Variants in VCL observed in about 807,000 individuals in gnomAD.
VCL encodes the protein vinculin.
A neutral mutation model predicts 125.7 loss-of-function variants in VCL; 47 were observed. The observed-to-expected ratio is 0.37, with a 90% confidence interval of 0.30 to 0.48. VCL has a LOEUF of 0.48. VCL is among the 20% of genes least tolerant of loss of function. The pLI is 0.99. For missense variants in VCL, 1,069 were observed against 1,455.5 expected, an observed-to-expected ratio of 0.73 and a Z score of 4.32; for synonymous variants, 458 against 514.6, an observed-to-expected ratio of 0.89 and a Z score of 1.49.
At chr10:73,998,861 T>C (rs975254824) in intron 1 of VCL, among the ~76,000 whole-genome samples, 1 of 152,200 alleles carries the variant, frequency 6.6e-6, no homozygotes, top group Admixed American at 6.5e-5. Context: ...GGGATCCTTA[T>C]TTGAGCCACG....
In VCL at chr10:74,018,185, T is replaced by TATAA. The variant is rs939767573; in HGVS notation, c.168+19813_168+19814insAATA. ...TGTGAGGATATATATAGGATATATA[T>TATAA]ATATATATATATATATAAATACATA... is the stretch of plus-strand genomic sequence containing the variant. On this transcript the variant is annotated intron_variant, in intron 1 of 21. Transcript: ENST00000211998. Among the ~76,000 whole-genome samples, 35 of 134,662 alleles carry TATAA rather than the reference T, an allele frequency of 2.6e-4. 2 individuals carry two copies. The highest frequency in any genetic ancestry group is 9.0e-4 in the African/African-American group (32 of 35,738). The allele number at this position is 134,662 out of a possible 152,430, so 88.3% of individuals were successfully genotyped here.
intron 15 of VCL, among the ~76,000 whole-genome samples, chr10:74,104,378 T>A (rs1036058475): frequency 8.5e-5 from 13 of 152,150 alleles, no homozygotes; most frequent in African/African-American, 3.1e-4. Context: ...ACTACGTAGT[T>A]TTTTTAAAAA....
rs968372588 is a variant in VCL at position 74,095,922 on chromosome 10, A to C, written c.1743+67A>C. 5.7e-6 allele frequency: 9 copies of C among 1,570,440 alleles called. No homozygotes were observed. The African/African-American group carries it at 9.4e-5, about 16-fold the overall frequency. ...CTATTATTGAAAGACGAGGGAAGGA[A>C]GAGAGAGTTTTGAAAAATACATAAT... is the stretch of plus-strand genomic sequence containing the variant. On this transcript the variant is annotated intron_variant, in intron 12 of 21. Coordinates refer to ENST00000211998, the MANE Select transcript of VCL (RefSeq NM_014000.3).
intron 6 of VCL, 69 bp from the exon 7 acceptor site, chr10:74,082,382 TCTC>T: frequency 6.4e-7 from 1 of 1,551,328 alleles, no homozygotes; most frequent in Non-Finnish European, 8.9e-7. Flanking sequence ...TGTAACTTCT[TCTC>T]TGTCTTACGT....
At chr10:74,098,640 GC>G (rs1840006546) in intron 13 of VCL, among the ~76,000 whole-genome samples, 1 of 152,212 alleles carries the variant, frequency 6.6e-6, no homozygotes, top group South Asian at 2.1e-4. Flanking sequence ...TGGTTTTCCA[GC>G]CTTTATAGTA....
At chr10:74,087,382 G>A (rs1437600522) in intron 8 of VCL, among the ~76,000 whole-genome samples, 1 of 123,878 alleles carries the variant, frequency 8.1e-6, no homozygotes, top group African/African-American at 3.1e-5. Flanking sequence ...GTCTCGCTCT[G>A]TCGCCCAGGC....
intron 2 of VCL, 101 bp downstream of exon 2, chr10:74,043,254 T>C (rs1473252324): frequency 1.8e-6 from 2 of 1,090,216 alleles, no homozygotes; most frequent in East Asian, 2.4e-5. Flanking sequence ...GGTATAAAAC[T>C]TTTGTTTACA....
Position 74,094,363 on chromosome 10 carries a change from C to A in VCL, c.1445C>A (p.Ala482Asp), listed in dbSNP as rs531596507. The change falls in exon 11 of 22, where the codon GCC (alanine) becomes GAC (aspartate). Residue 482 changes from alanine to aspartate, a missense_variant. By Grantham distance (126) the Ala-to-Asp change is moderately radical. This residue lies in a region of VCL where 760 missense variants were observed against 928.9 expected (regional missense o/e 0.82). Transcript: ENST00000211998. Reference protein sequence around the residue: ...NLQTKTNRAVANSRPAKAAVH... With the variant: ...NLQTKTNRAVDNSRPAKAAVH... The stretch of plus-strand genomic sequence containing the variant: ...CAGACCAAAACCAACCGGGCTGTGG[C>A]CAACAGCAGACCGGCCAAAGCAGCT... The A allele has an allele frequency of 1.2e-6, 2 of 1,614,032 alleles. No homozygotes were observed. Among genetic ancestry groups the A allele is most frequent in the Non-Finnish European group, 1.7e-6 (2 of 1,180,042 alleles).
intron 2 of VCL, chr10:74,063,795 T>C (rs1226313614): frequency 6.6e-6 from 1 of 152,212 alleles, no homozygotes; most frequent in Non-Finnish European, 1.5e-5. Flanking sequence ...GGACAGTTTG[T>C]TGGTAAATGT....
At position 74,040,157 on chromosome 10, in the gene VCL, C is replaced by T. The variant is rs542652670; in HGVS notation, c.169-2926C>T. ...AGCTCCTTTGTTTCCAGCCCGTACT[C>T]TTTATTATAGCATCATTCTTACCAT... is the stretch of plus-strand genomic sequence containing the variant. On this transcript the variant is annotated intron_variant, in intron 1 of 21. Transcript: ENST00000211998. Among the ~76,000 whole-genome samples, 264 of 152,258 alleles carry T rather than the reference C, an allele frequency of 1.7e-3. 1 individual carries two copies. Among genetic ancestry groups the T allele is most frequent in the South Asian group, 3.3e-3 (16 of 4,830 alleles).
intron 1 of VCL, among the ~76,000 whole-genome samples, chr10:74,005,715 C>T (rs1840311441): frequency 6.6e-6 from 1 of 152,184 alleles, no homozygotes. Context: ...ACTCAAGTTA[C>T]TTACATAAAG....
chr10:74,053,833 A>C (rs1301388242), intron 2 of VCL, among the ~76,000 whole-genome samples: 1 of 151,336 alleles, frequency 6.6e-6, no homozygotes, highest in Non-Finnish European at 1.5e-5. Flanking sequence ...CTGGTCTCGA[A>C]CTCCTGACCT....
In VCL at chr10:74,095,671, G is replaced by T. The variant is rs757009736; in HGVS notation, c.1559G>T (p.Arg520Leu). The T allele has an allele frequency of 6.2e-6, 10 of 1,613,970 alleles. No individual in the cohort carries two copies. Among genetic ancestry groups the T allele is most frequent in the Non-Finnish European group, 8.5e-6 (10 of 1,180,014 alleles). ...CTTGGTCCAGGTCAGGCTGCCATCCGGGGGCTTGTGGCCGAAGGGCATCGT... is the reference window on the plus strand; with the variant it reads ...CTTGGTCCAGGTCAGGCTGCCATCCTGGGGCTTGTGGCCGAAGGGCATCGT... ...DDRGVGQAAI[R>L]GLVAEGHRLA... is the part of the protein sequence containing the mutation. Residue 520 changes from arginine (R) to leucine (L), a missense_variant, in exon 12 of 22, where the codon CGG becomes CTG. By Grantham distance (102) the Arg-to-Leu change is moderately radical. Coordinates refer to ENST00000211998, the MANE Select transcript of VCL (RefSeq NM_014000.3).
chr10:74,070,910 A>G (rs908195594), intron 3 of VCL, 65 bp from the exon 4 acceptor site: 2 of 1,611,742 alleles, frequency 1.2e-6, no homozygotes, highest in African/African-American at 1.3e-5. Context: ...AATGCTGCAC[A>G]TCTGTGTTAC....
rs139909628 is a variant in VCL, at chr10:74,116,362, C to T, written c.3258+1463C>T. On this transcript the variant is annotated intron_variant, in intron 21 of 21. Coordinates refer to ENST00000211998, the MANE Select transcript of VCL (RefSeq NM_014000.3). Reference sequence around the variant, plus strand: ...TATTCTATGAAGGGTTTGCACACTTCGCTGTTTCTATGTCATGTGATCTCT... The same window carrying T: ...TATTCTATGAAGGGTTTGCACACTTTGCTGTTTCTATGTCATGTGATCTCT... Among the ~76,000 whole-genome samples, 463 of 152,192 alleles carry T rather than the reference C, an allele frequency of 3.0e-3. 2 individuals are homozygous for T. The highest frequency in any genetic ancestry group is 9.8e-3 in the African/African-American group (407 of 41,508).
Position 74,118,137 on chromosome 10 carries a change from C to A in VCL, c.3373C>A (p.Arg1125Ser). The change falls in exon 22 of 22, where the codon CGC becomes AGC. Residue 1125 changes from arginine to serine, a missense_variant. This residue lies in a region of VCL where 91 missense variants were observed against 203.9 expected (regional missense o/e 0.45). Coordinates refer to ENST00000211998, the MANE Select transcript of VCL (RefSeq NM_014000.3). ...TCGAACAGATGCTGGATTTACACTG[C>A]GCTGGGTTAGAAAGACTCCCTGGTA... ...KIRTDAGFTL[R>S]WVRKTPWYQ is the part of the protein sequence containing the mutation. 6.2e-7 allele frequency: 1 copy of A among 1,614,090 alleles called. No homozygotes were observed.
intron 2 of VCL, among the ~76,000 whole-genome samples, chr10:74,060,655 C>CAAAAAAAAAAAAAAAAA (rs11398822): frequency 1.8e-5 from 2 of 109,232 alleles, no homozygotes; most frequent in African/African-American, 6.8e-5. Context: ...GACTCTGTCT[C>CAAAAAAAAAAAAAAAAA]AAAAAAAAAA....
At chr10:74,098,151 T>C (rs950216234) in intron 13 of VCL, among the ~76,000 whole-genome samples, 4 of 152,190 alleles carry the variant, frequency 2.6e-5, no homozygotes, top group African/African-American at 9.7e-5. Flanking sequence ...TTGAATTGTA[T>C]TCCTAGTGTG....
At chr10:74,052,947 ATAT>A (rs370722886) in intron 2 of VCL, among the ~76,000 whole-genome samples, 9,390 of 118,278 alleles carry the variant, frequency 0.079, 362 homozygotes, top group African/African-American at 0.13. Flanking sequence ...AAAAAAAAAA[ATAT>A]ATATATATAT....
Sources: allele counts gnomAD v4.1 joint callset (sites outside exome capture counted in the v4.1 genomes callset), GRCh38; gene constraint gnomAD v4.1.1; regional missense constraint gnomAD v4.1.1; transcripts MANE v1.5; gene names NCBI Gene and HGNC (gene_info 2026-07-23, HGNC 2026-07-21).